The following MPPED1 variants were observed in gnomAD, a reference collection of about 807,000 sequenced individuals.
MPPED1 encodes metallophosphoesterase domain containing 1.
MPPED1 carries 16 observed loss-of-function variants against 36.2 expected under a neutral mutation model. That is an observed-to-expected ratio of 0.44 (90% CI 0.30 to 0.67). The LOEUF (loss-of-function observed/expected upper bound fraction) is 0.67. MPPED1 is among the 30% of genes least tolerant of loss of function. The pLI is 0.10. For missense variants in MPPED1, 307 were observed against 453.4 expected, an observed-to-expected ratio of 0.68 and a Z score of 2.93; for synonymous variants, 199 against 191.3, an observed-to-expected ratio of 1.04 and a Z score of -0.33.
At chr22:43,436,332 G>A (rs1042973765) in intron 3 of MPPED1, among the ~76,000 whole-genome samples, 6 of 152,134 alleles carry the variant, frequency 3.9e-5, no homozygotes, top group East Asian at 1.9e-4. Flanking sequence ...GGTCCCTTCC[G>A]CCTCCCCAGG....
chr22:43,500,273 GGTGGC>G (rs1390756197), intron 5 of MPPED1, among the ~76,000 whole-genome samples: 92 of 106,426 alleles, frequency 8.6e-4, no homozygotes, highest in East Asian at 1.4e-3. Context: ...TGGTGATGGA[GGTGGC>G]GGTGGTGATG....
intron 4 of MPPED1, among the ~76,000 whole-genome samples, chr22:43,480,184 C>T (rs552878172): frequency 7.9e-5 from 12 of 152,284 alleles, no homozygotes; most frequent in East Asian, 1.9e-4. Context: ...TGGTTTGTCA[C>T]GTGCCTGGCT....
At chr22:43,500,440 AGG>A (rs1932697278) in intron 5 of MPPED1, among the ~76,000 whole-genome samples, 1 of 130,664 alleles carries the variant, frequency 7.7e-6, no homozygotes, top group Non-Finnish European at 1.7e-5. Context: ...GTGGTGGTGG[AGG>A]TGGTGACGGA....
chr22:43,498,042 C>G (rs1420101322), intron 4 of MPPED1, among the ~76,000 whole-genome samples, 193 bp from the exon 5 acceptor site: 4 of 150,580 alleles, frequency 2.7e-5, no homozygotes, highest in Admixed American at 2.0e-4. Context: ...AAGAGAATTG[C>G]CTGGGGACCC....
chr22:43,503,374 T>G (rs985327836), intron 6 of MPPED1, among the ~76,000 whole-genome samples: 1 of 152,186 alleles, frequency 6.6e-6, no homozygotes, highest in Admixed American at 6.5e-5. Flanking sequence ...TGGATATTTA[T>G]CCCACCTGCC....
intron 3 of MPPED1, among the ~76,000 whole-genome samples, chr22:43,453,608 G>A (rs574178192): frequency 7.9e-4 from 121 of 152,236 alleles, no homozygotes; most frequent in African/African-American, 2.7e-3. Flanking sequence ...CCGAAACCCC[G>A]TTGACTTCTA....
Position 43,474,426 on chromosome 22 carries a change from A to T in MPPED1, c.407-310A>T, listed in dbSNP as rs1162503825. On this transcript the variant is annotated intron_variant, in intron 3 of 6. Coordinates refer to ENST00000443721, the MANE Select transcript of MPPED1 (RefSeq NM_001044370.2). This position sits in a 1 kb window ranked among gnomAD's most constrained non-coding sequence, Gnocchi z 5.2. ...TGCTGCCTCCTTTGATCTGATGAAG[A>T]CACCTGTTGGGGGCCTGGCAGCAGG... Among the ~76,000 whole-genome samples, 8 of 152,072 alleles carry T rather than the reference A, an allele frequency of 5.3e-5. No homozygotes were observed. Among genetic ancestry groups the T allele is most frequent in the Admixed American group, 3.3e-4 (5 of 15,282 alleles).
intron 5 of MPPED1, among the ~76,000 whole-genome samples, chr22:43,500,684 C>T (rs934057134): frequency 6.6e-6 from 1 of 152,026 alleles, no homozygotes; most frequent in African/African-American, 2.4e-5. Context: ...GTGCTTGGGA[C>T]CAGCCCCTGT....
intron 5 of MPPED1, among the ~76,000 whole-genome samples, chr22:43,500,374 TGGTGGTGGTGATGGTGATGGA>T (rs1275115176): frequency 2.7e-5 from 4 of 146,236 alleles, no homozygotes; most frequent in Admixed American, 1.4e-4. Flanking sequence ...GTGATGGGGG[TGGTGGTGGTGATGGTGATGGA>T]GGTGGTAGTG....
chr22:43,451,663 T>C (rs1398279026), intron 3 of MPPED1, among the ~76,000 whole-genome samples: 1 of 152,222 alleles, frequency 6.6e-6, no homozygotes, highest in Non-Finnish European at 1.5e-5. Context: ...ACATTTGTCA[T>C]GTTGGTGTTT....
chr22:43,440,995 C>T (rs1179102515), intron 3 of MPPED1, among the ~76,000 whole-genome samples: 2 of 152,094 alleles, frequency 1.3e-5, no homozygotes, highest in African/African-American at 4.8e-5. Flanking sequence ...GGCCTCTCAC[C>T]CACCTTCTTT....
intron 2 of MPPED1, among the ~76,000 whole-genome samples, chr22:43,429,070 G>A (rs531920389): frequency 1.3e-5 from 2 of 152,296 alleles, no homozygotes; most frequent in East Asian, 1.9e-4. Context: ...AGGCTGCACC[G>A]GGTCCTTGAA....
chr22:43,463,206 G>A (rs1386274260), intron 3 of MPPED1, among the ~76,000 whole-genome samples: 1 of 151,610 alleles, frequency 6.6e-6, no homozygotes, highest in African/African-American at 2.4e-5. Context: ...CAAGCACTCT[G>A]TTAATGGAAA....
intron 4 of MPPED1, among the ~76,000 whole-genome samples, chr22:43,496,983 T>TGGTGGTGGTGG: frequency 8.7e-6 from 1 of 114,446 alleles, no homozygotes. Context: ...GTGGTGGAGG[T>TGGTGGTGGTGG]AGTGGTGGTG....
chr22:43,441,216 C>G (rs1431495334), intron 3 of MPPED1, among the ~76,000 whole-genome samples: 1 of 152,216 alleles, frequency 6.6e-6, no homozygotes, highest in East Asian at 1.9e-4. Flanking sequence ...TAAGATGAAG[C>G]ACTTCACTAT....
intron 1 of MPPED1, among the ~76,000 whole-genome samples, chr22:43,424,651 G>C (rs1212424254): frequency 1.3e-5 from 2 of 151,716 alleles, no homozygotes; most frequent in East Asian, 3.9e-4. Flanking sequence ...AGCCATGCAT[G>C]CATCCGTCCA....
intron 3 of MPPED1, among the ~76,000 whole-genome samples, chr22:43,443,889 G>A (rs190029661): frequency 4.8e-4 from 73 of 152,262 alleles, no homozygotes; most frequent in Middle Eastern, 6.8e-3. Context: ...CTGATGGGGC[G>A]CTGTTGGTGT....
At chr22:43,444,852 A>G (rs753308310) in intron 3 of MPPED1, among the ~76,000 whole-genome samples, 6 of 152,202 alleles carry the variant, frequency 3.9e-5, no homozygotes, top group Non-Finnish European at 5.9e-5. Context: ...TTGCTTGTTT[A>G]TATCTCATTT....
rs2146929004 is a variant in MPPED1 at position 43,502,855 on chromosome 22, A to T, written c.862+98A>T. 1 of 1,006,478 alleles carries T rather than the reference A, an allele frequency of 9.9e-7. No homozygotes were observed. The highest frequency in any genetic ancestry group is 2.4e-5 in the East Asian group (1 of 41,754). The allele number at this position is 1,006,478 out of a possible 1,614,324, so 62.3% of individuals were successfully genotyped here. A position where few individuals can be genotyped will look rare whatever the true frequency, so the allele number is the denominator to read the frequency against. On this transcript the variant is annotated intron_variant, in intron 6 of 6. Coordinates refer to ENST00000443721, the MANE Select transcript of MPPED1 (RefSeq NM_001044370.2). The surrounding 1 kb of genome is among the most constrained non-coding windows in gnomAD (Gnocchi z 5.5). ...TCGTTCAGCCAGAAGGGAAATAAAT[A>T]GCCCATTCCTACTGTTCGCTTTGTA...
Sources: gnomAD v4.1 joint callset for allele counts (sites outside exome capture counted in the v4.1 genomes callset) on GRCh38, gnomAD v4.1.1 for gene constraint, Gnocchi (gnomAD v3.1) non-coding constraint, MANE v1.5 for transcripts, NCBI Gene and HGNC (gene_info 2026-07-23, HGNC 2026-07-21) for gene names.